LHX3: variants seen among roughly 807,000 people sequenced by gnomAD.
LHX3 encodes LIM/homeobox protein Lhx3.
Under a neutral mutation model 32.4 loss-of-function variants are expected in LHX3, and 21 were observed. The ratio of observed to expected loss-of-function variants is 0.65; its 90% CI spans 0.46 to 0.93. The LOEUF (loss-of-function observed/expected upper bound fraction) is 0.93, where lower values mean the gene tolerates loss of function less well. LHX3 is among the 40% of genes least tolerant of loss of function. The probability of loss-of-function intolerance (pLI) is 0.00; values close to 1 mark genes in which losing one functional copy is unlikely to be tolerated. For synonymous variants in LHX3, 258 were observed against 246.8 expected (o/e 1.05, Z -0.43); for missense variants, 626 against 560.0 (o/e 1.12, Z -1.19).
Position 136,201,609 on chromosome 9 carries a change from A to G in LHX3, c.80-856T>C, listed in dbSNP as rs974959091. The G allele has an allele frequency of 9.9e-6, 10 of 1,007,938 alleles. No homozygotes were observed. The Admixed American group carries it at 5.9e-4, about 60-fold the overall frequency. 62.4% of individuals were successfully genotyped at this position (1,007,938 alleles called of 1,614,324 possible). ...AGGAGTGCCCGCTGAAGGGACCGGG[A>G]TTTACTGACATATTGCACCCGCCTC... On this transcript the variant is annotated intron_variant, in intron 1 of 5. Coordinates refer to ENST00000371748, the MANE Select transcript of LHX3 (RefSeq NM_178138.6).
At chr9:136,199,367 T>A (rs1032993995) in intron 3 of LHX3, among the ~76,000 whole-genome samples, 1 of 152,082 alleles carries the variant, frequency 6.6e-6, no homozygotes, top group African/African-American at 2.4e-5. Flanking sequence ...AGCACCCTGA[T>A]TTCCCCGCGG....
chr9:136,201,182 C>A, intron 1 of LHX3: 2 of 1,356,198 alleles, frequency 1.5e-6, no homozygotes, highest in Non-Finnish European at 1.9e-6. Context: ...TGGGGCACCC[C>A]ATCGGGTCTC....
chr9:136,196,680 T>C lies in LHX3; in HGVS notation c.*645A>G, dbSNP rs1831497198. On this transcript the variant is annotated 3_prime_UTR_variant, in exon 6 of 6. Transcript: ENST00000371748. ...AGAAGGGGCGCCAGGCATTTTTGCC[T>C]CCTCCACAGGATACTCGAGAACAGA... 6.5e-6 allele frequency: 1 copy of C among 152,740 alleles called. No individual in the cohort carries two copies. Among genetic ancestry groups the C allele is most frequent in the Non-Finnish European group, 1.5e-5 (1 of 68,210 alleles). The allele number at this position is 152,740 out of a possible 1,614,324, so 9.5% of individuals were successfully genotyped here. A position where few individuals can be genotyped will look rare whatever the true frequency, so the allele number is the denominator to read the frequency against.
chr9:136,198,637 G>T lies in LHX3; in HGVS notation c.775+15C>A. On this transcript the variant is annotated intron_variant, in intron 5 of 5. Transcript: ENST00000371748. ...GCGCTCGTCCCCCCCCGAGCTCCGC[G>T]ATCCCTCCGCCTACCGGGGAAGGAG... 1 of 1,564,068 alleles carries T rather than the reference G, an allele frequency of 6.4e-7. No homozygotes were observed.
chr9:136,198,630 G>T, intron 5 of LHX3, 22 bp downstream of exon 5: 1 of 1,549,386 alleles, frequency 6.5e-7, no homozygotes. Flanking sequence ...CCCCCCCCGA[G>T]CTCCGCGATC....
Position 136,200,671 on chromosome 9 carries a change from C to A in LHX3, c.162G>T (p.Lys54Asn), listed in dbSNP as rs1286674150. ...LKALDRHWHSKCLKCSDCHTP... is the reference protein window; with the variant it reads ...LKALDRHWHSNCLKCSDCHTP... The stretch of plus-strand genomic sequence containing the variant: ...TGTGGCAGTCGCTGCACTTGAGACA[C>A]TTGCTGTGCCAGTGGCGGTCCAGAG... The change falls in exon 2 of 6, where the codon AAG becomes AAT. Residue 54 changes from lysine to asparagine, a missense_variant. Lys to Asn is a moderately conservative substitution (Grantham distance 94). Transcript: ENST00000371748. 3.7e-6 allele frequency: 6 copies of A among 1,613,554 alleles called. No homozygotes were observed. The highest frequency in any genetic ancestry group is 5.1e-6 in the Non-Finnish European group (6 of 1,180,040).
Position 136,197,742 on chromosome 9 carries a change from A to G in LHX3, c.777T>C (p.Asp259=), listed in dbSNP as rs2131030848. The change falls in exon 6 of 6, where the codon GAT becomes GAC. Residue 259 remains aspartate (D), a splice_region_variant and synonymous_variant. Transcript: ENST00000371748. The part of the protein sequence containing the change: ...QDSDAEVSFP[D]EPSLAEMGPA... ...GGCCCATTTCCGCCAAGGAAGGCTC[A>G]TCTGCAACAGAAGCAGAGGCTCAGT... 6.2e-7 allele frequency: 1 copy of G among 1,601,138 alleles called. No homozygotes were observed.
intron 1 of LHX3, chr9:136,201,702 C>G: frequency 1.0e-6 from 1 of 986,946 alleles, no homozygotes; most frequent in South Asian, 4.7e-5. Flanking sequence ...AAGGGGCTCC[C>G]TCGACCTCCG....
chr9:136,199,839 G>C lies in LHX3; in HGVS notation c.293C>G (p.Pro98Arg). 1 of 1,607,866 alleles carries C rather than the reference G, an allele frequency of 6.2e-7. No homozygotes were observed. The highest frequency in any genetic ancestry group is 8.5e-7 in the Non-Finnish European group (1 of 1,177,516). ...GGCGCGGCGCACCACCTGCGTGGGC[G>C]GGATGCCCAGCTGGCACGCGGCGCA... ...TKCAACQLGI[P>R]PTQVVRRAQD... Residue 98 changes from proline to arginine, a missense_variant, in exon 3 of 6, where the codon CCG becomes CGG. Coordinates refer to ENST00000371748, the MANE Select transcript of LHX3 (RefSeq NM_178138.6).
At position 136,200,160 on chromosome 9, in the gene LHX3, T is replaced by A. The variant is rs936429119; in HGVS notation, c.252-280A>T. 9 of 583,606 alleles carry A rather than the reference T, an allele frequency of 1.5e-5. No individual in the cohort carries two copies. In the African/African-American group the frequency reaches 1.7e-4, roughly 11 times the overall value. The allele number at this position is 583,606 out of a possible 1,614,324, so 36.2% of individuals were successfully genotyped here. ...TGAATCCGGAGGGAGAGGACCCATC[T>A]GGGGCCAGTCCCTCACACCCCACAG... is the stretch of plus-strand genomic sequence containing the variant. On this transcript the variant is annotated intron_variant, in intron 2 of 5. Transcript: ENST00000371748.
Position 136,198,995 on chromosome 9 carries a change from C to T in LHX3, c.519G>A (p.Lys173=), listed in dbSNP as rs1323910254. Residue 173 remains lysine (K), a synonymous_variant, in exon 4 of 6, where the codon AAG becomes AAA. Coordinates refer to ENST00000371748, the MANE Select transcript of LHX3 (RefSeq NM_178138.6). The stretch of plus-strand genomic sequence containing the variant: ...GCTTGGGCGAGGTGTTGTAAGCGCT[C>T]TTCAGCGTCTCCAGCTGCTTGGCGG... ...TITAKQLETL[K]SAYNTSPKPA... 3 of 1,593,644 alleles carry T rather than the reference C, an allele frequency of 1.9e-6. No individual in the cohort carries two copies. Among genetic ancestry groups the T allele is most frequent in the Non-Finnish European group, 2.6e-6 (3 of 1,174,164 alleles).
Position 136,200,818 on chromosome 9 carries a change from C to T in LHX3, c.80-65G>A, listed in dbSNP as rs1039136482. 124 of 1,586,614 alleles carry T rather than the reference C, an allele frequency of 7.8e-5. No homozygotes were observed. The Middle Eastern group carries it at 1.6e-3, about 20-fold the overall frequency. On this transcript the variant is annotated intron_variant, in intron 1 of 5. Transcript: ENST00000371748. Reference sequence around the variant, plus strand: ...GGAGGCAGTGAAGCCACCTTCCCACCCCAACGCGAGCCAGTCTCCCCTCCG... The same window carrying T: ...GGAGGCAGTGAAGCCACCTTCCCACTCCAACGCGAGCCAGTCTCCCCTCCG...
intron 1 of LHX3, chr9:136,201,111 A>G: frequency 7.1e-7 from 1 of 1,405,544 alleles, no homozygotes. Context: ...CCCCAGGGGG[A>G]TCTGCTCTCT....
intron 1 of LHX3, 61 bp downstream of exon 1, chr9:136,204,873 C>G: frequency 7.2e-7 from 1 of 1,389,474 alleles, no homozygotes; most frequent in South Asian, 1.2e-5. Flanking sequence ...TGCACGCACC[C>G]CCTTCCTCGC....
In LHX3 at chr9:136,204,962, G is replaced by A. The variant is rs1481663160; in HGVS notation, c.51C>T (p.Ala17=). ...LERDRARPGA[A]AVCTLGGTRE... is the part of the protein sequence containing the mutation. ...GAGTCCCGCCCAAGGTGCAGACGGC[G>A]GCGGCCCCGGGCCTCGCTCGGTCGC... The change falls in exon 1 of 6, where the codon GCC becomes GCT. Residue 17 remains alanine (A), a synonymous_variant. Coordinates refer to ENST00000371748, the MANE Select transcript of LHX3 (RefSeq NM_178138.6). 7 of 1,599,020 alleles carry A rather than the reference G, an allele frequency of 4.4e-6. No individual in the cohort carries two copies. The African/African-American group carries it at 6.7e-5, about 15-fold the overall frequency.
At chr9:136,201,234 C>A in intron 1 of LHX3, 1 of 1,284,612 alleles carries the variant, frequency 7.8e-7, no homozygotes, top group South Asian at 3.1e-5. Flanking sequence ...AGGGACTCCT[C>A]GCAAATGTGG....
Position 136,202,652 on chromosome 9 carries a change from C to T in LHX3, c.80-1899G>A, listed in dbSNP as rs913892432. Among the ~76,000 whole-genome samples, 64 of 152,114 alleles carry T rather than the reference C, an allele frequency of 4.2e-4. 1 individual carries two copies. The highest frequency in any genetic ancestry group is 1.0e-4 in the Non-Finnish European group (7 of 68,016). On this transcript the variant is annotated intron_variant, in intron 1 of 5. Coordinates refer to ENST00000371748, the MANE Select transcript of LHX3 (RefSeq NM_178138.6). The stretch of plus-strand genomic sequence containing the variant: ...TGCCCCGCCACTGCTCCCTGCGCCT[C>T]CTCCAGCCCAGGGAGCTGGCTCCGG...
chr9:136,203,216 G>A, intron 1 of LHX3: 1 of 911,540 alleles, frequency 1.1e-6, no homozygotes, highest in South Asian at 5.2e-5. Flanking sequence ...GAGCGGCCGG[G>A]GGGCGGGGCC....
At chr9:136,201,222 C>T (rs1831632863) in intron 1 of LHX3, 1 of 1,303,342 alleles carries the variant, frequency 7.7e-7, no homozygotes. Context: ...GCCACTCTTT[C>T]TAGGGACTCC....
Sources: allele counts gnomAD v4.1 joint callset (sites outside exome capture counted in the v4.1 genomes callset), GRCh38; gene constraint gnomAD v4.1.1; transcripts MANE v1.5; gene names NCBI Gene and HGNC (gene_info 2026-07-23, HGNC 2026-07-21).